The following ADAMTS13 variants were observed in gnomAD, a reference collection of about 807,000 sequenced individuals.
The protein encoded by ADAMTS13 is A disintegrin and metalloproteinase with thrombospondin motifs 13.
Under a neutral mutation model 155.1 loss-of-function variants are expected in ADAMTS13, and 110 were observed. That is an observed-to-expected ratio of 0.71 (90% CI 0.61 to 0.83). The LOEUF (loss-of-function observed/expected upper bound fraction) is 0.83, where lower values mean the gene tolerates loss of function less well. ADAMTS13 is among the 40% of genes least tolerant of loss of function. ADAMTS13 has a pLI of 0.00. For missense variants in ADAMTS13, 1,707 were observed against 1,891.7 expected, an observed-to-expected ratio of 0.90 and a Z score of 1.81; for synonymous variants, 758 against 756.4, an observed-to-expected ratio of 1.00 and a Z score of -0.03.
intron 8 of ADAMTS13, among the ~76,000 whole-genome samples, chr9:133,431,584 C>A (rs1840770599): frequency 6.6e-6 from 1 of 152,006 alleles, no homozygotes; most frequent in East Asian, 1.9e-4. Context: ...GCCTTGGCCT[C>A]CCAAAGTGCT....
Position 133,448,689 on chromosome 9 carries a change from G to A in ADAMTS13, c.2822G>A (p.Ser941Asn). The change falls in exon 22 of 29, where the codon AGC becomes AAC. Residue 941 changes from serine to asparagine, a missense_variant. Coordinates refer to ENST00000355699, the MANE Select transcript of ADAMTS13 (RefSeq NM_139027.6). ...ELCGLASKPG[S>N]RREVCQAVPC... is the part of the protein sequence containing the mutation. ...TGTGGCCTGGCAAGCAAGCCTGGGAGCCGGCGGGAGGTCTGCCAGGCTGTC... is the reference window on the plus strand; with the variant it reads ...TGTGGCCTGGCAAGCAAGCCTGGGAACCGGCGGGAGGTCTGCCAGGCTGTC... 6.2e-7 allele frequency: 1 copy of A among 1,605,184 alleles called. No homozygotes were observed. Among genetic ancestry groups the A allele is most frequent in the Non-Finnish European group, 8.5e-7 (1 of 1,179,960 alleles).
intron 9 of ADAMTS13, 89 bp from the exon 10 acceptor site, chr9:133,433,289 T>C: frequency 6.4e-7 from 1 of 1,573,322 alleles, no homozygotes; most frequent in Non-Finnish European, 8.7e-7. Context: ...TGGGGATCCC[T>C]GAGGATGTTG....
rs1554796115 is a variant in ADAMTS13 at position 133,456,613 on chromosome 9, C to T, written c.3618C>T (p.Phe1206=). 44 of 1,612,730 alleles carry T rather than the reference C, an allele frequency of 2.7e-5. No homozygotes were observed. Among genetic ancestry groups the T allele is most frequent in the Non-Finnish European group, 2.8e-5 (33 of 1,179,746 alleles). Residue 1206 remains phenylalanine, a synonymous_variant, in exon 27 of 29, where the codon TTC becomes TTT. Transcript: ENST00000355699. This position sits in a 1 kb window ranked among gnomAD's most constrained non-coding sequence, Gnocchi z 4.4. ...KMCRKLLDMT[F]SSKTNTLVVR... is the part of the protein sequence containing the mutation. ...GCAGGAAGCTGTTGGACATGACTTT[C>T]AGCTCCAAGACCAACACGCTGGTGG...
chr9:133,429,611 C>T (rs181100019), intron 7 of ADAMTS13: 3 of 367,370 alleles, frequency 8.2e-6, no homozygotes, highest in African/African-American at 4.8e-5. Context: ...ACCCCTATCT[C>T]CCCCACCCGC....
At chr9:133,457,249 C>T (rs1023227527) in intron 27 of ADAMTS13, among the ~76,000 whole-genome samples, 2 of 152,194 alleles carry the variant, frequency 1.3e-5, no homozygotes, top group Non-Finnish European at 2.9e-5. Flanking sequence ...CCCAACAGCC[C>T]GAGCTGGCCG....
At chr9:133,442,232 A>G (rs782783508) in intron 16 of ADAMTS13, among the ~76,000 whole-genome samples, 167 bp from the exon 17 acceptor site, 2 of 152,002 alleles carry the variant, frequency 1.3e-5, no homozygotes, top group African/African-American at 2.4e-5. Flanking sequence ...CAGGCTCCCA[A>G]AGTTTTGGGT....
Position 133,428,747 on chromosome 9 carries a change from G to T in ADAMTS13, c.800G>T (p.Arg267Leu). 1 of 1,353,982 alleles carries T rather than the reference G, an allele frequency of 7.4e-7. No homozygotes were observed. The highest frequency in any genetic ancestry group is 9.5e-7 in the Non-Finnish European group (1 of 1,049,616). 83.9% of individuals were successfully genotyped at this position (1,353,982 alleles called of 1,614,324 possible). The stretch of plus-strand genomic sequence containing the variant: ...GGCCTCGCCTGGTCCCCCTGCAGCC[G>T]CCGGCAGCTGCTGAGCCTGCTCAGG... ...RAGLAWSPCS[R>L]RQLLSLLSAG... The change falls in exon 7 of 29, where the codon CGC becomes CTC. Residue 267 changes from arginine to leucine, a missense_variant. Around this residue, in one of 3 missense-constraint regions of ADAMTS13, gnomAD observed 733 missense variants for 749.6 expected, o/e 0.98. Coordinates refer to ENST00000355699, the MANE Select transcript of ADAMTS13 (RefSeq NM_139027.6).
At position 133,458,046 on chromosome 9, in the gene ADAMTS13, C is replaced by T. The variant is rs1554796657; in HGVS notation, c.3861C>T (p.Ala1287=). Residue 1287 remains alanine, a synonymous_variant, in exon 28 of 29, where the codon GCC becomes GCT. Transcript: ENST00000355699. ...PHARIAIHAL[A]TNMGAGTEGA... ...CACGGATTGCCATCCATGCCCTGGCCACCAACATGGGCGCTGGGACCGAGG... is the reference window on the plus strand; with the variant it reads ...CACGGATTGCCATCCATGCCCTGGCTACCAACATGGGCGCTGGGACCGAGG... The T allele has an allele frequency of 1.9e-6, 3 of 1,613,504 alleles. No individual in the cohort carries two copies. The highest frequency in any genetic ancestry group is 4.5e-5 in the East Asian group (2 of 44,892).
intron 18 of ADAMTS13, 101 bp from the exon 19 acceptor site, chr9:133,443,275 G>A: frequency 1.4e-6 from 2 of 1,442,516 alleles, no homozygotes; most frequent in Admixed American, 2.0e-5. Context: ...AGTGCCCATT[G>A]CTTGTCCCAG....
Position 133,445,942 on chromosome 9 carries a change from C to A in ADAMTS13, c.2731+123C>A. ...GCAGAAAATCCAGACTATATGGGAA[C>A]ACGTGGTAATACACAAGGAGACTAA... On this transcript the variant is annotated intron_variant, in intron 21 of 28. Transcript: ENST00000355699. The surrounding 1 kb of genome is among the most constrained non-coding windows in gnomAD (Gnocchi z 5.0). 1 of 1,359,912 alleles carries A rather than the reference C, an allele frequency of 7.4e-7. No individual in the cohort carries two copies. Among genetic ancestry groups the A allele is most frequent in the Non-Finnish European group, 9.8e-7 (1 of 1,022,030 alleles). The allele number at this position is 1,359,912 out of a possible 1,614,324, so 84.2% of individuals were successfully genotyped here. A position where few individuals can be genotyped will look rare whatever the true frequency, so the allele number is the denominator to read the frequency against.
chr9:133,446,295 C>T (rs1554792633), intron 21 of ADAMTS13, among the ~76,000 whole-genome samples: 1 of 152,186 alleles, frequency 6.6e-6, no homozygotes, highest in African/African-American at 2.4e-5. Context: ...AGAACTTTTC[C>T]AGTTTCGCAA....
chr9:133,420,306 C>T (rs782141592), upstream of ADAMTS13, among the ~76,000 whole-genome samples: 54 of 152,234 alleles, frequency 3.5e-4, no homozygotes, highest in Non-Finnish European at 6.2e-4. Flanking sequence ...CCACCTGCCT[C>T]GGCCTCCCAA....
At chr9:133,428,884 C>A in intron 7 of ADAMTS13, 113 bp downstream of exon 7, 1 of 1,112,088 alleles carries the variant, frequency 9.0e-7, no homozygotes, top group East Asian at 4.2e-5. Context: ...CCTTCCTGTC[C>A]CACCCCTCCG....
At chr9:133,454,725 G>A in intron 24 of ADAMTS13, 106 bp downstream of exon 24, 1 of 1,375,586 alleles carries the variant, frequency 7.3e-7, no homozygotes, top group Non-Finnish European at 9.9e-7. Flanking sequence ...CGTGTCCCCT[G>A]AAAGGAAGGA....
chr9:133,452,416 T>G (rs984631711), intron 23 of ADAMTS13, among the ~76,000 whole-genome samples: 3 of 152,222 alleles, frequency 2.0e-5, no homozygotes, highest in Non-Finnish European at 2.9e-5. Context: ...CAAAATTGTT[T>G]TAAATGTTGT....
At chr9:133,431,652 TTTTA>T (rs915808209) in intron 8 of ADAMTS13, among the ~76,000 whole-genome samples, 3 of 151,288 alleles carry the variant, frequency 2.0e-5, no homozygotes, top group Non-Finnish European at 4.4e-5. Context: ...TCTGATTTTA[TTTTA>T]TTTATTTATT....
intron 8 of ADAMTS13, 89 bp from the exon 9 acceptor site, chr9:133,432,499 G>A (rs1840842430): frequency 1.7e-6 from 2 of 1,154,992 alleles, no homozygotes; most frequent in African/African-American, 3.1e-5. Context: ...AGTGTGTCCT[G>A]CAGTCTGGGA....
chr9:133,426,155 C>T lies in ADAMTS13; in HGVS notation c.540-44C>T, dbSNP rs199560983. On this transcript the variant is annotated intron_variant, in intron 5 of 28. Transcript: ENST00000355699. ...TCTGCAAAGGTGACCCCAGGGCAGG[C>T]ACGTGCCTTGGCACCACCCAAGTGA... The T allele has an allele frequency of 8.2e-5, 132 of 1,613,988 alleles. No individual in the cohort carries two copies. In the African/African-American group the frequency reaches 1.1e-3, roughly 13 times the overall value.
upstream of ADAMTS13, among the ~76,000 whole-genome samples, chr9:133,420,601 G>A (rs1443690416): frequency 6.6e-6 from 1 of 152,202 alleles, no homozygotes; most frequent in Non-Finnish European, 1.5e-5. Flanking sequence ...GGTCACAGTC[G>A]ATGGGTTGAT....
Sources: gnomAD v4.1 joint callset for allele counts (sites outside exome capture counted in the v4.1 genomes callset) on GRCh38, gnomAD v4.1.1 for gene constraint, gnomAD v4.1.1 regional missense constraint, Gnocchi (gnomAD v3.1) non-coding constraint, MANE v1.5 for transcripts, NCBI Gene and HGNC (gene_info 2026-07-23, HGNC 2026-07-21) for gene names.